The following SEPHS1 variants were observed in gnomAD, a reference collection of about 807,000 sequenced individuals.
The protein encoded by SEPHS1 is zincore component SEPHS1.
SEPHS1 carries 7 observed loss-of-function variants against 39.2 expected under a neutral mutation model. That is an observed-to-expected ratio of 0.18 (90% CI 0.10 to 0.34). SEPHS1 has a LOEUF of 0.34. SEPHS1 is among the 10% of genes least tolerant of loss of function. SEPHS1 has a pLI of 1.00. For synonymous variants in SEPHS1, 190 were observed against 195.5 expected, an observed-to-expected ratio of 0.97 and a Z score of 0.23; for missense variants, 253 against 514.5, an observed-to-expected ratio of 0.49 and a Z score of 4.92.
chr10:13,333,419 A>C (rs4474338), intron 5 of SEPHS1, among the ~76,000 whole-genome samples: 151,015 of 151,618 alleles, frequency 1, 75,214 homozygotes, highest in Middle Eastern at 1. Flanking sequence ...AGGCATGAGC[A>C]ACCGCGCCCA....
chr10:13,325,189 A>G (rs1241162156), intron 7 of SEPHS1, among the ~76,000 whole-genome samples: 1 of 152,176 alleles, frequency 6.6e-6, no homozygotes, highest in Non-Finnish European at 1.5e-5. Flanking sequence ...CAATTTTTTA[A>G]TAGATAGTGC....
intron 5 of SEPHS1, among the ~76,000 whole-genome samples, chr10:13,332,249 C>T (rs1833494857): frequency 6.6e-6 from 1 of 152,222 alleles, no homozygotes; most frequent in South Asian, 2.1e-4. Flanking sequence ...AAACATTCCG[C>T]TATGGGAGTG....
intron 2 of SEPHS1, among the ~76,000 whole-genome samples, chr10:13,342,022 G>C (rs113302863): frequency 4.7e-5 from 7 of 148,208 alleles, no homozygotes; most frequent in African/African-American, 1.5e-4. Context: ...TCTCACGCCT[G>C]TAATCCCAGC....
chr10:13,341,535 C>T (rs1833784916), intron 2 of SEPHS1, among the ~76,000 whole-genome samples: 2 of 151,114 alleles, frequency 1.3e-5, no homozygotes, highest in African/African-American at 4.8e-5. Flanking sequence ...AGGCACACTT[C>T]TTTTACCATT....
chr10:13,343,387 C>T (rs1833847836), intron 2 of SEPHS1, among the ~76,000 whole-genome samples: 1 of 152,116 alleles, frequency 6.6e-6, no homozygotes, highest in Non-Finnish European at 1.5e-5. Context: ...AGGTCACCAG[C>T]GACTGGGGTG....
chr10:13,333,712 T>C, intron 5 of SEPHS1, 105 bp downstream of exon 5: 1 of 1,181,926 alleles, frequency 8.5e-7, no homozygotes, highest in Non-Finnish European at 1.2e-6. Flanking sequence ...AAGTCTGGGA[T>C]CATATGTGTG....
At chr10:13,333,785 G>A (rs1279780045) in intron 5 of SEPHS1, 32 bp downstream of exon 5, 4 of 1,606,596 alleles carry the variant, frequency 2.5e-6, no homozygotes, top group Middle Eastern at 1.8e-4. Context: ...GAGAAAAACA[G>A]GTCAGGTGAT....
chr10:13,329,053 G>A (rs1231235512), intron 6 of SEPHS1, among the ~76,000 whole-genome samples: 3 of 152,186 alleles, frequency 2.0e-5, no homozygotes, highest in Non-Finnish European at 2.9e-5. Context: ...TCAGATGATA[G>A]TTGTAGAAAT....
chr10:13,335,030 T>C (rs1329419846), intron 4 of SEPHS1, among the ~76,000 whole-genome samples: 1 of 152,186 alleles, frequency 6.6e-6, no homozygotes. Context: ...CACTGATGAC[T>C]ACAGCCCATG....
Position 13,322,771 on chromosome 10 carries a change from C to T in SEPHS1, c.964+64G>A, listed in dbSNP as rs1833153441. On this transcript the variant is annotated intron_variant, in intron 8 of 8. Coordinates refer to ENST00000327347, the MANE Select transcript of SEPHS1 (RefSeq NM_012247.5). Reference sequence around the variant, plus strand: ...GGGCCCACTCGGGGTGGGGCTGCTGCTTTCTCGCTGAGCTTTCTGTTAGCC... The same window carrying T: ...GGGCCCACTCGGGGTGGGGCTGCTGTTTTCTCGCTGAGCTTTCTGTTAGCC... 5.3e-6 allele frequency: 8 copies of T among 1,505,134 alleles called. No homozygotes were observed. In the African/African-American group the frequency reaches 6.9e-5, roughly 13 times the overall value. The allele number at this position is 1,505,134 out of a possible 1,614,324, so 93.2% of individuals were successfully genotyped here. A position where few individuals can be genotyped will look rare whatever the true frequency, so the allele number is the denominator to read the frequency against.
intron 2 of SEPHS1, among the ~76,000 whole-genome samples, chr10:13,340,122 C>T (rs72783319): frequency 2.6e-5 from 4 of 152,090 alleles, no homozygotes; most frequent in Admixed American, 1.3e-4. Flanking sequence ...GTGAAAGGGC[C>T]GTGAAGCACT....
At chr10:13,323,795 G>A (rs1426177703) in intron 7 of SEPHS1, among the ~76,000 whole-genome samples, 1 of 150,438 alleles carries the variant, frequency 6.6e-6, no homozygotes, top group Non-Finnish European at 1.5e-5. Flanking sequence ...AGGCTGGAGT[G>A]CAGTGGCATG....
rs376307065 is a variant in SEPHS1 at position 13,344,725 on chromosome 10, C to T, written c.193+33G>A. 30 of 1,406,320 alleles carry T rather than the reference C, an allele frequency of 2.1e-5. No homozygotes were observed. The Middle Eastern group carries it at 5.6e-4, about 26-fold the overall frequency. 87.1% of individuals were successfully genotyped at this position (1,406,320 alleles called of 1,614,324 possible). Reference sequence around the variant, plus strand: ...CCAGTTTTTGACTCACTGATTGGATCGCAGACCATCAAAGAAACACTGGGT... The same window carrying T: ...CCAGTTTTTGACTCACTGATTGGATTGCAGACCATCAAAGAAACACTGGGT... On this transcript the variant is annotated intron_variant, in intron 2 of 8. Transcript: ENST00000327347.
chr10:13,342,244 G>A (rs1407003700), intron 2 of SEPHS1, among the ~76,000 whole-genome samples: 2 of 150,438 alleles, frequency 1.3e-5, no homozygotes, highest in African/African-American at 4.9e-5. Flanking sequence ...TCCAGCCTGG[G>A]CGACAGAGCG....
chr10:13,320,902 A>G (rs1833091447), intron 8 of SEPHS1, among the ~76,000 whole-genome samples: 1 of 152,170 alleles, frequency 6.6e-6, no homozygotes, highest in Non-Finnish European at 1.5e-5. Context: ...AATTCATTCA[A>G]TTTCCATTCA....
At chr10:13,321,397 G>A (rs889438803) in intron 8 of SEPHS1, among the ~76,000 whole-genome samples, 3 of 151,964 alleles carry the variant, frequency 2.0e-5, no homozygotes, top group Non-Finnish European at 4.4e-5. Context: ...CAGGGCACAC[G>A]CCACGACGCC....
intron 3 of SEPHS1, 48 bp downstream of exon 3, chr10:13,338,657 A>C (rs1833708294): frequency 6.8e-7 from 1 of 1,479,838 alleles, no homozygotes; most frequent in African/African-American, 1.4e-5. Context: ...AACCCAAACC[A>C]AACAAATAAG....
At chr10:13,325,327 T>C (rs1348928043) in intron 7 of SEPHS1, among the ~76,000 whole-genome samples, 1 of 152,200 alleles carries the variant, frequency 6.6e-6, no homozygotes, top group Non-Finnish European at 1.5e-5. Flanking sequence ...TGGCTCTGTG[T>C]CCCCACCTAA....
chr10:13,343,347 G>A (rs974837595), intron 2 of SEPHS1, among the ~76,000 whole-genome samples: 2 of 152,088 alleles, frequency 1.3e-5, no homozygotes, highest in African/African-American at 4.8e-5. Flanking sequence ...GGCAGGAACT[G>A]TTTTCAAACT....
Sources: allele counts gnomAD v4.1 joint callset (sites outside exome capture counted in the v4.1 genomes callset), GRCh38; gene constraint gnomAD v4.1.1; transcripts MANE v1.5; gene names NCBI Gene and HGNC (gene_info 2026-07-23, HGNC 2026-07-21).